The following ETFDH variants were observed in gnomAD, a reference collection of about 807,000 sequenced individuals.
The protein encoded by ETFDH is electron transfer flavoprotein dehydrogenase.
In ETFDH, 61 loss-of-function variants were observed where a neutral mutation model predicts 73.2. That is an observed-to-expected ratio of 0.83 (90% CI 0.68 to 1.03). The LOEUF (loss-of-function observed/expected upper bound fraction) is 1.03, where lower values mean the gene tolerates loss of function less well. ETFDH is among the 50% of genes least tolerant of loss of function. The probability of loss-of-function intolerance (pLI) is 0.00; values close to 1 mark genes in which losing one functional copy is unlikely to be tolerated. For synonymous variants in ETFDH, 243 were observed against 253.3 expected (o/e 0.96, Z 0.39); for missense variants, 685 against 745.0 (o/e 0.92, Z 0.94).
intron 1 of ETFDH, among the ~76,000 whole-genome samples, chr4:158,675,120 G>A (rs1773679935): frequency 6.6e-6 from 1 of 152,076 alleles, no homozygotes; most frequent in South Asian, 2.1e-4. Flanking sequence ...ATGGTTTTTA[G>A]TATAGTCAGA....
At chr4:158,691,693 AC>A (rs1774169693) in intron 6 of ETFDH, among the ~76,000 whole-genome samples, 1 of 151,978 alleles carries the variant, frequency 6.6e-6, no homozygotes, top group South Asian at 2.1e-4. Context: ...CTGATTCTCC[AC>A]CTCCCATTCA....
rs370517102 is a variant in ETFDH, at chr4:158,672,521, G to A, written c.34+31G>A. 2.4e-5 allele frequency: 38 copies of A among 1,612,638 alleles called. No homozygotes were observed. In the African/African-American group the frequency reaches 4.8e-4, roughly 20 times the overall value. On this transcript the variant is annotated intron_variant, in intron 1 of 12. Transcript: ENST00000511912. ...AGGAAACGGGCGGTGGGGATAAGTG[G>A]AGGAGTTAGGGCAAAAGGGACAAGG...
chr4:158,678,078 A>G (rs1477212542), intron 1 of ETFDH, among the ~76,000 whole-genome samples: 1 of 152,254 alleles, frequency 6.6e-6, no homozygotes, highest in Non-Finnish European at 1.5e-5. Context: ...GAGAGTTCCC[A>G]TATGCCCTTT....
chr4:158,687,873 T>C (rs1324650474), intron 5 of ETFDH, among the ~76,000 whole-genome samples: 1 of 151,434 alleles, frequency 6.6e-6, no homozygotes, highest in Non-Finnish European at 1.5e-5. Flanking sequence ...ACCCCGTCTC[T>C]ACTAAAAATA....
intron 1 of ETFDH, among the ~76,000 whole-genome samples, 181 bp downstream of exon 1, chr4:158,672,671 C>T (rs1773605457): frequency 6.6e-6 from 1 of 152,078 alleles, no homozygotes; most frequent in South Asian, 2.1e-4. Context: ...TGGGGTTGCC[C>T]CAGTTGGTAG....
At chr4:158,703,300 T>G (rs1344494773) in intron 9 of ETFDH, 123 bp from the exon 10 acceptor site, 6 of 732,574 alleles carry the variant, frequency 8.2e-6, no homozygotes, top group African/African-American at 7.0e-5. Flanking sequence ...TCAATTCATT[T>G]TCATGTATTT....
rs755342205 is a variant in ETFDH at position 158,708,431 on chromosome 4, T to C, written c.1758T>C (p.Cys586=). 23 of 1,610,846 alleles carry C rather than the reference T, an allele frequency of 1.4e-5. No homozygotes were observed. In the East Asian group the frequency reaches 5.1e-4, roughly 36 times the overall value. The change falls in exon 13 of 13, where the codon TGT becomes TGC. Residue 586 remains cysteine (C), a synonymous_variant. Coordinates refer to ENST00000511912, the MANE Select transcript of ETFDH (RefSeq NM_004453.4). ...GGTTACAGATAAATGCTCAGAACTG[T>C]GTACATTGTAAAACATGTGATATTA... ...GFRLQINAQN[C]VHCKTCDIKD...
chr4:158,698,475 C>CT (rs1320297470), intron 8 of ETFDH, among the ~76,000 whole-genome samples: 3 of 152,086 alleles, frequency 2.0e-5, no homozygotes, highest in Admixed American at 6.6e-5. Flanking sequence ...TTCTTTTCCT[C>CT]TTTTTTTCTG....
intron 9 of ETFDH, chr4:158,700,576 A>ACACACACACACG (rs1308359443): frequency 3.1e-5 from 2 of 64,232 alleles, no homozygotes; most frequent in African/African-American, 7.8e-5. Flanking sequence ...ACACACGCAC[A>ACACACACACACG]CACACACACA....
intron 2 of ETFDH, among the ~76,000 whole-genome samples, chr4:158,681,194 G>A (rs1250875527): frequency 6.6e-6 from 1 of 152,052 alleles, no homozygotes; most frequent in East Asian, 1.9e-4. Context: ...AAAATGTGGA[G>A]GTGAAAGATA....
rs530020046 is a variant in ETFDH at position 158,702,130 on chromosome 4, G to A, written c.1117-1293G>A. Reference sequence around the variant, plus strand: ...TCCTTTGTAAGTCTTGTATTACCCCGAATGCATGTAAAAGCAAATCACAGG... The same window carrying A: ...TCCTTTGTAAGTCTTGTATTACCCCAAATGCATGTAAAAGCAAATCACAGG... On this transcript the variant is annotated intron_variant, in intron 9 of 12. Transcript: ENST00000511912. Among the ~76,000 whole-genome samples the A allele has an allele frequency of 4.0e-5, 6 of 151,580 alleles. No homozygotes were observed. In the East Asian group the frequency reaches 1.2e-3, roughly 29 times the overall value.
At chr4:158,706,946 C>A in intron 12 of ETFDH, 96 bp downstream of exon 12, 1 of 804,490 alleles carries the variant, frequency 1.2e-6, no homozygotes. Context: ...TCCTTCCATT[C>A]CTTAGAAATT....
rs145732132 is a variant in ETFDH, at chr4:158,698,091, C to T, written c.972+392C>T. On this transcript the variant is annotated intron_variant, in intron 8 of 12. Transcript: ENST00000511912. The stretch of plus-strand genomic sequence containing the variant: ...TGTCTGACCTCAAATCCCATTTCCA[C>T]TGTGGCATGCTACCACTGAAAATGA... Among the ~76,000 whole-genome samples the T allele has an allele frequency of 1.0e-3, 157 of 152,360 alleles. 1 individual carries two copies. The East Asian group carries it at 0.028, about 27-fold the overall frequency.
At chr4:158,672,547 C>G in intron 1 of ETFDH, 57 bp downstream of exon 1, 7 of 1,562,420 alleles carry the variant, frequency 4.5e-6, no homozygotes, top group Non-Finnish European at 6.2e-6. Flanking sequence ...AGGGACAAGG[C>G]CGGTCCTGGG....
intron 10 of ETFDH, among the ~76,000 whole-genome samples, chr4:158,705,628 A>C (rs748186658): frequency 2.6e-5 from 4 of 152,208 alleles, no homozygotes; most frequent in Admixed American, 6.5e-5. Context: ...GGTTTCACTA[A>C]AATTTGAAAC....
chr4:158,708,846 TCTAGA>T lies in ETFDH; in HGVS notation c.*323_*327del, dbSNP rs1391294260. On this transcript the variant is annotated 3_prime_UTR_variant, in exon 13 of 13. Transcript: ENST00000511912. Reference sequence around the variant, plus strand: ...ATCAAATATAAAAATGAATATATATTCTAGACTAAAGTTTTATTGAAACACAGCCA... The same window carrying T: ...ATCAAATATAAAAATGAATATATATTCTAAAGTTTTATTGAAACACAGCCA... The T allele has an allele frequency of 4.4e-5, 13 of 294,262 alleles. No homozygotes were observed. The highest frequency in any genetic ancestry group is 1.8e-4 in the South Asian group (5 of 28,550). 18.2% of individuals were successfully genotyped at this position (294,262 alleles called of 1,614,324 possible). A position where few individuals can be genotyped will look rare whatever the true frequency, so the allele number is the denominator to read the frequency against.
chr4:158,703,666 T>C (rs761650051), intron 10 of ETFDH, 75 bp downstream of exon 10: 18 of 888,690 alleles, frequency 2.0e-5, no homozygotes, highest in Non-Finnish European at 3.4e-5. Flanking sequence ...TTAAAAGATT[T>C]GTATTGCATC....
At position 158,695,034 on chromosome 4, in the gene ETFDH, A is replaced by G. The variant is rs142940512; in HGVS notation, c.685-463A>G. On this transcript the variant is annotated intron_variant, in intron 6 of 12. Coordinates refer to ENST00000511912, the MANE Select transcript of ETFDH (RefSeq NM_004453.4). ...ACATCTGGTGAATATTGTATTTTCA[A>G]TCCTCATTTGGTTAAAAATAAGTCC... 1.9e-3 allele frequency among the ~76,000 whole-genome samples: 290 copies of G among 152,328 alleles called. 2 individuals are homozygous for G. Among genetic ancestry groups the G allele is most frequent in the African/African-American group, 6.7e-3 (277 of 41,578 alleles).
Position 158,708,539 on chromosome 4 carries a change from C to CTG in ETFDH, c.*12_*13insTG. On this transcript the variant is annotated 3_prime_UTR_variant, in exon 13 of 13. Coordinates refer to ENST00000511912, the MANE Select transcript of ETFDH (RefSeq NM_004453.4). ...ACAATGGAATGTAAACTGCAGCTAG[C>CTG]CAGTTTCTTTCAAGTATGGCAAGCT... 1.2e-6 allele frequency: 2 copies of CTG among 1,609,236 alleles called. No homozygotes were observed. Among genetic ancestry groups the CTG allele is most frequent in the Non-Finnish European group, 1.7e-6 (2 of 1,175,638 alleles).
Sources: gnomAD v4.1 joint callset for allele counts (sites outside exome capture counted in the v4.1 genomes callset) on GRCh38, gnomAD v4.1.1 for gene constraint, MANE v1.5 for transcripts, NCBI Gene and HGNC (gene_info 2026-07-23, HGNC 2026-07-21) for gene names.